RIN3: variants seen among roughly 807,000 people sequenced by gnomAD.
RIN3 encodes the protein RAB5 interacting protein 3.
RIN3 carries 54 observed loss-of-function variants against 76.3 expected under a neutral mutation model. That is an observed-to-expected ratio of 0.71 (90% CI 0.57 to 0.89). The LOEUF (loss-of-function observed/expected upper bound fraction) is 0.89. RIN3 is among the 40% of genes least tolerant of loss of function. The pLI, the probability that RIN3 is intolerant of heterozygous loss-of-function variation, is 0.00. For synonymous variants in RIN3, 576 were observed against 564.0 expected (o/e 1.02, Z -0.30); for missense variants, 1,256 against 1,322.1 (o/e 0.95, Z 0.78).
chr14:92,655,215 G>C (rs1015384962), intron 6 of RIN3, among the ~76,000 whole-genome samples: 1 of 152,044 alleles, frequency 6.6e-6, no homozygotes. Context: ...GGGCATGGTG[G>C]CATGTGCCTG....
intron 7 of RIN3, among the ~76,000 whole-genome samples, chr14:92,661,555 C>T (rs1369828518): frequency 6.6e-6 from 1 of 152,146 alleles, no homozygotes; most frequent in Non-Finnish European, 1.5e-5. Flanking sequence ...GAAACCCCAT[C>T]TCTACTAAAA....
Position 92,688,355 on chromosome 14 carries a change from C to A in RIN3, c.*103C>A, listed in dbSNP as rs1888961586. 11 of 1,142,218 alleles carry A rather than the reference C, an allele frequency of 9.6e-6. No individual in the cohort carries two copies. The highest frequency in any genetic ancestry group is 1.2e-5 in the Non-Finnish European group (10 of 833,086). 70.8% of individuals were successfully genotyped at this position (1,142,218 alleles called of 1,614,324 possible). A position where few individuals can be genotyped will look rare whatever the true frequency, so the allele number is the denominator to read the frequency against. ...GTCCACGCAGCAGAGGGACATGGGCCATTCCATGACGTGCCCAGGCCAACG... is the reference window on the plus strand; with the variant it reads ...GTCCACGCAGCAGAGGGACATGGGCAATTCCATGACGTGCCCAGGCCAACG... On this transcript the variant is annotated 3_prime_UTR_variant, in exon 10 of 10. Transcript: ENST00000216487.
At chr14:92,597,535 G>A (rs1210418552) in intron 3 of RIN3, among the ~76,000 whole-genome samples, 2 of 152,188 alleles carry the variant, frequency 1.3e-5, no homozygotes, top group Non-Finnish European at 2.9e-5. Flanking sequence ...CTTACTAGCT[G>A]GTTGAACTTG....
rs1403165894 is a variant in RIN3 at position 92,685,260 on chromosome 14, C to A, written c.2631+110C>A. The A allele has an allele frequency of 6.5e-6, 8 of 1,230,364 alleles. No individual in the cohort carries two copies. The South Asian group carries it at 1.2e-4, about 18-fold the overall frequency. 76.2% of individuals were successfully genotyped at this position (1,230,364 alleles called of 1,614,324 possible). The stretch of plus-strand genomic sequence containing the variant: ...CACCTGGCTGCTCCAGCCGCCCAGC[C>A]CTGCCTTAGGGGAGCAGTGAGACTC... On this transcript the variant is annotated intron_variant, in intron 9 of 9. Transcript: ENST00000216487. The surrounding 1 kb of genome is among the most constrained non-coding windows in gnomAD (Gnocchi z 4.7).
At chr14:92,625,010 G>A (rs1366748634) in intron 4 of RIN3, among the ~76,000 whole-genome samples, 1 of 152,156 alleles carries the variant, frequency 6.6e-6, no homozygotes, top group East Asian at 1.9e-4. Context: ...CGGTGCTGAT[G>A]GACTGGAAAC....
At chr14:92,608,662 G>A (rs1885614993) in intron 3 of RIN3, among the ~76,000 whole-genome samples, 4 of 152,006 alleles carry the variant, frequency 2.6e-5, no homozygotes, top group Admixed American at 2.6e-4. Flanking sequence ...AGCCTCTTGA[G>A]TAGCTGGGAT....
Position 92,641,298 on chromosome 14 carries a change from G to A in RIN3, c.501G>A (p.Thr167=), listed in dbSNP as rs758738721. ...PQAILEASSF[T]DLETIANLGL... Reference sequence around the variant, plus strand: ...CCATCCTTGAGGCCAGCAGCTTCACGGACCTTGAGACCATCGCCAACCTGG... The same window carrying A: ...CCATCCTTGAGGCCAGCAGCTTCACAGACCTTGAGACCATCGCCAACCTGG... Residue 167 remains threonine (T), a synonymous_variant, in exon 5 of 10, where the codon ACG becomes ACA. Coordinates refer to ENST00000216487, the MANE Select transcript of RIN3 (RefSeq NM_024832.5). 2.7e-5 allele frequency: 44 copies of A among 1,614,078 alleles called. No individual in the cohort carries two copies. The highest frequency in any genetic ancestry group is 2.0e-4 in the Admixed American group (12 of 60,016).
chr14:92,641,559 C>T (rs1352362174), intron 5 of RIN3, among the ~76,000 whole-genome samples: 1 of 152,194 alleles, frequency 6.6e-6, no homozygotes, highest in Non-Finnish European at 1.5e-5. Flanking sequence ...CACGTTTGGT[C>T]TAAGGGAGCA....
intron 3 of RIN3, among the ~76,000 whole-genome samples, chr14:92,600,981 A>G (rs1398200188): frequency 1.3e-5 from 2 of 152,174 alleles, no homozygotes; most frequent in African/African-American, 4.8e-5. Context: ...GCCACCCAGT[A>G]TGGTAGCCAG....
At chr14:92,631,104 C>T (rs1313059241) in intron 4 of RIN3, among the ~76,000 whole-genome samples, 1 of 152,190 alleles carries the variant, frequency 6.6e-6, no homozygotes, top group East Asian at 1.9e-4. Context: ...GCTTGTCAGC[C>T]CTGGCGTTTA....
chr14:92,520,354 A>C (rs2139991891), intron 1 of RIN3, among the ~76,000 whole-genome samples: 1 of 152,324 alleles, frequency 6.6e-6, no homozygotes, highest in Non-Finnish European at 1.5e-5. Flanking sequence ...ATGGGGAAGC[A>C]AGGATTCCAG....
chr14:92,556,586 A>C (rs755077329), intron 2 of RIN3, among the ~76,000 whole-genome samples: 49 of 122,036 alleles, frequency 4.0e-4, no homozygotes, highest in Non-Finnish European at 6.3e-4. Flanking sequence ...ACAGATGGAT[A>C]GATAGATGGA....
chr14:92,522,332 G>A (rs2139994306), intron 1 of RIN3, among the ~76,000 whole-genome samples: 1 of 152,230 alleles, frequency 6.6e-6, no homozygotes, highest in Non-Finnish European at 1.5e-5. Flanking sequence ...GTGTGTGTGT[G>A]TGTGTGCATG....
chr14:92,685,133 T>A lies in RIN3; in HGVS notation c.2614T>A (p.Ser872Thr). ...RRRTLNKARA[S>T]RSSVQDFICV... ...GCGTACTCTCAACAAGGCCCGGGCCTCCCGCTCCTCCGTACAGGTGAGGCC... is the reference window on the plus strand; with the variant it reads ...GCGTACTCTCAACAAGGCCCGGGCCACCCGCTCCTCCGTACAGGTGAGGCC... Residue 872 changes from serine (S) to threonine (T), a missense_variant, in exon 9 of 10, where the codon TCC (serine) becomes ACC (threonine). Physicochemically the swap from Ser to Thr is moderately conservative, Grantham distance 58 (BLOSUM62 1). Around this residue, in one of 3 missense-constraint regions of RIN3, gnomAD observed 218 missense variants for 174.5 expected, o/e 1.25. Transcript: ENST00000216487. This position sits in a 1 kb window ranked among gnomAD's most constrained non-coding sequence, Gnocchi z 4.7. 6.2e-7 allele frequency: 1 copy of A among 1,611,576 alleles called. No homozygotes were observed. Among genetic ancestry groups the A allele is most frequent in the African/African-American group, 1.3e-5 (1 of 74,984 alleles).
chr14:92,674,238 G>A (rs925904500), intron 7 of RIN3, among the ~76,000 whole-genome samples: 2 of 152,276 alleles, frequency 1.3e-5, no homozygotes, highest in African/African-American at 4.8e-5. Context: ...CCCAGGTCTG[G>A]GGTTGGAGAC....
intron 3 of RIN3, among the ~76,000 whole-genome samples, chr14:92,581,941 A>ATT (rs1430630962): frequency 1.3e-5 from 2 of 152,106 alleles, no homozygotes; most frequent in African/African-American, 4.8e-5. Context: ...GGCGAAACTG[A>ATT]CCCAACAGGA....
chr14:92,587,611 CA>C (rs1884824610), intron 3 of RIN3, among the ~76,000 whole-genome samples: 1 of 151,536 alleles, frequency 6.6e-6, no homozygotes, highest in Non-Finnish European at 1.5e-5. Flanking sequence ...CTGCCACCTT[CA>C]GGGGCCTTGC....
Position 92,647,944 on chromosome 14 carries a change from C to T in RIN3, c.533-3638C>T, listed in dbSNP as rs191777722. Among the ~76,000 whole-genome samples, 590 of 152,260 alleles carry T rather than the reference C, an allele frequency of 3.9e-3. 7 individuals are homozygous for T. The highest frequency in any genetic ancestry group is 0.013 in the African/African-American group (555 of 41,538). On this transcript the variant is annotated intron_variant, in intron 5 of 9. Coordinates refer to ENST00000216487, the MANE Select transcript of RIN3 (RefSeq NM_024832.5). The stretch of plus-strand genomic sequence containing the variant: ...ATGGGCCCTTCTTTAGGGGAACTCT[C>T]GCAGCAGAGCCAAGGCTCAGTATGG...
intron 1 of RIN3, among the ~76,000 whole-genome samples, chr14:92,531,197 G>A (rs1369219540): frequency 1.3e-5 from 2 of 152,190 alleles, no homozygotes; most frequent in Non-Finnish European, 2.9e-5. Flanking sequence ...CAAGATGAAG[G>A]CAGCAGCAGA....
Sources: allele counts gnomAD v4.1 joint callset (sites outside exome capture counted in the v4.1 genomes callset), GRCh38; gene constraint gnomAD v4.1.1; regional missense constraint gnomAD v4.1.1; non-coding constraint Gnocchi (gnomAD v3.1); transcripts MANE v1.5; gene names NCBI Gene and HGNC (gene_info 2026-07-23, HGNC 2026-07-21).